The following C10orf67 variants were observed in gnomAD, a reference collection of about 807,000 sequenced individuals.
C10orf67 encodes uncharacterized protein C10orf67, mitochondrial.
C10orf67 carries 60 observed loss-of-function variants against 35.6 expected under a neutral mutation model. The observed-to-expected ratio is 1.68, with a 90% CI of 1.37 to 2.09. C10orf67 has a LOEUF of 2.09. Among genes scored for constraint, C10orf67 ranks in the 30% most tolerant of loss-of-function variants. C10orf67 has a pLI of 0.00. For missense variants in C10orf67, 474 were observed against 330.2 expected, an observed-to-expected ratio of 1.44 and a Z score of -3.38; for synonymous variants, 167 against 115.8, an observed-to-expected ratio of 1.44 and a Z score of -2.84.
chr10:23,271,259 C>T (rs1353906949), intron 8 of C10orf67, among the ~76,000 whole-genome samples: 1 of 152,132 alleles, frequency 6.6e-6, no homozygotes, highest in African/African-American at 2.4e-5. Flanking sequence ...ACTGGAGCAC[C>T]CAGATTCAAA....
chr10:23,320,326 G>A (rs1235494836), intron 4 of C10orf67, among the ~76,000 whole-genome samples: 1 of 152,190 alleles, frequency 6.6e-6, no homozygotes, highest in Admixed American at 6.5e-5. Flanking sequence ...TTCCCATTGT[G>A]AAGGAAAATG....
chr10:23,296,931 C>G (rs1300372473), intron 5 of C10orf67, among the ~76,000 whole-genome samples: 1 of 152,192 alleles, frequency 6.6e-6, no homozygotes, highest in East Asian at 1.9e-4. Context: ...AATAATTTGG[C>G]CACCTGATGG....
chr10:23,266,448 C>A, intron 9 of C10orf67, 22 bp from the exon 10 acceptor site: 1 of 398,556 alleles, frequency 2.5e-6, no homozygotes, highest in Non-Finnish European at 4.4e-6. Flanking sequence ...AAAGACACAA[C>A]TTTGTTATTC....
chr10:23,223,715 T>C, intron 14 of C10orf67, 29 bp downstream of exon 14: 1 of 716,734 alleles, frequency 1.4e-6, no homozygotes, highest in Non-Finnish European at 2.6e-6. Context: ...ACTCAGTAAA[T>C]ATTTAATAAA....
chr10:23,282,820 G>A (rs1013703766), intron 7 of C10orf67, among the ~76,000 whole-genome samples: 1 of 152,078 alleles, frequency 6.6e-6, no homozygotes, highest in Non-Finnish European at 1.5e-5. Context: ...ACAAGACCCT[G>A]TCTTTAAACA....
At chr10:23,202,332 C>T (rs1172371616), downstream of C10orf67, 1 of 152,196 alleles carries the variant, frequency 6.6e-6, no homozygotes, top group African/African-American at 2.4e-5. Flanking sequence ...CTAAAGCATG[C>T]GTCATTTTTC....
At chr10:23,342,079 G>A (rs1845913317) in intron 1 of C10orf67, among the ~76,000 whole-genome samples, 1 of 151,996 alleles carries the variant, frequency 6.6e-6, no homozygotes, top group South Asian at 2.1e-4. Context: ...TGGAGGGATC[G>A]CTTGACTCCA....
At chr10:23,332,794 T>C (rs771961075) in intron 2 of C10orf67, among the ~76,000 whole-genome samples, 2 of 152,176 alleles carry the variant, frequency 1.3e-5, no homozygotes, top group Non-Finnish European at 2.9e-5. Context: ...TTTTAAAGTG[T>C]CATAAATAGA....
At chr10:23,323,428 T>C (rs886373548) in intron 2 of C10orf67, among the ~76,000 whole-genome samples, 11 of 151,906 alleles carry the variant, frequency 7.2e-5, no homozygotes, top group African/African-American at 2.7e-4. Flanking sequence ...GAAACCAGCC[T>C]GGGCAATAGA....
Position 23,281,650 on chromosome 10 carries a change from T to G in C10orf67, c.975+363A>C, listed in dbSNP as rs112434196. Among the ~76,000 whole-genome samples the G allele has an allele frequency of 5.2e-3, 784 of 152,018 alleles. 8 individuals carry two copies. The highest frequency in any genetic ancestry group is 0.018 in the African/African-American group (761 of 41,318). On this transcript the variant is annotated intron_variant, in intron 8 of 15. Transcript: ENST00000636213. ...AATGCCAAAATATCTAGCTGGGCTC[T>G]TTTTTTATTGTCACTTATGGCAATT...
chr10:23,246,773 A>G (rs1265268957), intron 12 of C10orf67, among the ~76,000 whole-genome samples: 2 of 152,130 alleles, frequency 1.3e-5, no homozygotes, highest in Non-Finnish European at 2.9e-5. Flanking sequence ...CGTAAAAAAT[A>G]AAAAGAAAAA....
At chr10:23,270,066 G>T (rs1842976380) in intron 8 of C10orf67, among the ~76,000 whole-genome samples, 2 of 152,136 alleles carry the variant, frequency 1.3e-5, no homozygotes, top group Non-Finnish European at 2.9e-5. Context: ...TCCCATGAAA[G>T]ACTATATACT....
intron 10 of C10orf67, among the ~76,000 whole-genome samples, chr10:23,255,324 A>G (rs1459846669): frequency 2.6e-5 from 4 of 152,230 alleles, no homozygotes; most frequent in Admixed American, 2.6e-4. Flanking sequence ...AAATCTTTCA[A>G]AAACAGGACA....
intron 15 of C10orf67, among the ~76,000 whole-genome samples, chr10:23,217,235 G>GT (rs1462549033): frequency 6.6e-6 from 1 of 152,098 alleles, no homozygotes; most frequent in Non-Finnish European, 1.5e-5. Context: ...AGTGACATTT[G>GT]TAGAAGCCAC....
intron 13 of C10orf67, among the ~76,000 whole-genome samples, chr10:23,235,659 T>C (rs893801954): frequency 5.3e-5 from 8 of 152,234 alleles, no homozygotes; most frequent in African/African-American, 1.9e-4. Context: ...TTTTCTGTTA[T>C]GTGCATTTAG....
intron 13 of C10orf67, 104 bp from the exon 14 acceptor site, chr10:23,223,922 C>A: frequency 1.5e-6 from 1 of 658,714 alleles, no homozygotes. Context: ...GATATGGAAA[C>A]TATGCTTGTC....
At chr10:23,285,175 C>T (rs1391903577) in intron 7 of C10orf67, among the ~76,000 whole-genome samples, 1 of 151,956 alleles carries the variant, frequency 6.6e-6, no homozygotes, top group East Asian at 1.9e-4. Flanking sequence ...GGCACTGGCC[C>T]CAGGGGACCT....
At position 23,236,252 on chromosome 10, in the gene C10orf67, GGAAAA is replaced by G. The variant is rs1564465772; in HGVS notation, c.1434+3472_1434+3476del. On this transcript the variant is annotated intron_variant, in intron 13 of 15. Coordinates refer to ENST00000636213, the MANE Select transcript of C10orf67 (RefSeq NM_001371909.1). The stretch of plus-strand genomic sequence containing the variant: ...CGACAGAGCGAGACTCCCTCTCGGG[GGAAAA>G]AAAAAAAAAAAAAAAAAAAAAAAAA... 1.2e-3 allele frequency among the ~76,000 whole-genome samples: 96 copies of G among 81,554 alleles called. 2 individuals are homozygous for G. Among genetic ancestry groups the G allele is most frequent in the African/African-American group, 5.8e-3 (58 of 10,020 alleles). The allele number at this position is 81,554 out of a possible 152,430, so 53.5% of individuals were successfully genotyped here.
chr10:23,239,692 A>G (rs1185802993), intron 13 of C10orf67, 37 bp downstream of exon 13: 9 of 618,354 alleles, frequency 1.5e-5, no homozygotes, highest in Non-Finnish European at 2.8e-5. Context: ...GGTATATTCA[A>G]AGAGACAAAC....
Sources: allele counts gnomAD v4.1 joint callset (sites outside exome capture counted in the v4.1 genomes callset), GRCh38; gene constraint gnomAD v4.1.1; transcripts MANE v1.5; gene names NCBI Gene and HGNC (gene_info 2026-07-23, HGNC 2026-07-21).